Variants in RPH3A observed in about 807,000 individuals in gnomAD.
RPH3A encodes the protein rabphilin 3A.
RPH3A carries 48 observed loss-of-function variants against 102.2 expected under a neutral mutation model. The ratio of observed to expected loss-of-function variants is 0.47; its 90% CI spans 0.37 to 0.60. The LOEUF is 0.60. RPH3A is among the 20% of genes least tolerant of loss of function. The pLI is 0.00. For synonymous variants in RPH3A, 310 were observed against 324.3 expected (o/e 0.96, Z 0.47); for missense variants, 781 against 910.1 (o/e 0.86, Z 1.83).
intron 17 of RPH3A, among the ~76,000 whole-genome samples, chr12:112,888,155 AAACT>A (rs1471125096): frequency 6.6e-6 from 1 of 152,252 alleles, no homozygotes; most frequent in African/African-American, 2.4e-5. Flanking sequence ...CTTCTTGGCC[AAACT>A]GGATGGACAG....
chr12:112,816,592 C>T (rs1368695800), intron 2 of RPH3A, among the ~76,000 whole-genome samples: 10 of 152,320 alleles, frequency 6.6e-5, no homozygotes, highest in Non-Finnish European at 7.3e-5. Context: ...CATGTGGCCA[C>T]TCCCAGCTTC....
intron 2 of RPH3A, among the ~76,000 whole-genome samples, chr12:112,818,998 C>T (rs16942244): frequency 0.15 from 23,468 of 151,766 alleles, 2,340 homozygotes; most frequent in African/African-American, 0.28. Context: ...TCATTGGTTC[C>T]TCTCAACAAC....
chr12:112,709,319 G>T (rs1469759110), intron 1 of RPH3A, among the ~76,000 whole-genome samples: 1 of 152,170 alleles, frequency 6.6e-6, no homozygotes, highest in African/African-American at 2.4e-5. Context: ...AGAGGCCAAG[G>T]TGGGAGGATT....
At chr12:112,590,699 T>C (rs1315838989) in intron 1 of RPH3A, among the ~76,000 whole-genome samples, 1 of 152,270 alleles carries the variant, frequency 6.6e-6, no homozygotes, top group African/African-American at 2.4e-5. Context: ...TTAATTTCTA[T>C]GTTTAAAAAT....
rs2043183814 is a variant in RPH3A, at chr12:112,896,671, C to G, written c.1976C>G (p.Ser659Cys). Residue 659 changes from serine to cysteine, a missense_variant, in exon 22 of 22, where the codon TCT becomes TGT. Physicochemically the swap from Ser to Cys is moderately radical, Grantham distance 112. Around this residue, in one of 2 missense-constraint regions of RPH3A, gnomAD observed 51 missense variants for 100.1 expected, o/e 0.51. Transcript: ENST00000389385. ...CCAGGAGGCTGCCAGCTGGGGATCT[C>G]TGCCAAGGGAGAGCGCTTAAAACAC... ...DYIGGCQLGI[S>C]AKGERLKHWY... is the part of the protein sequence containing the mutation. 1 of 1,614,146 alleles carries G rather than the reference C, an allele frequency of 6.2e-7. No homozygotes were observed.
intron 1 of RPH3A, among the ~76,000 whole-genome samples, chr12:112,737,402 T>C (rs1051371337): frequency 2.0e-5 from 3 of 152,178 alleles, no homozygotes; most frequent in African/African-American, 7.2e-5. Flanking sequence ...TGAATTCATG[T>C]ATATAAAACA....
chr12:112,858,579 G>A (rs1316482657), intron 5 of RPH3A, among the ~76,000 whole-genome samples: 1 of 152,172 alleles, frequency 6.6e-6, no homozygotes, highest in Admixed American at 6.6e-5. Context: ...TCCTTCAGGG[G>A]ACTTATGATG....
chr12:112,648,065 A>G (rs2031733879), intron 1 of RPH3A, among the ~76,000 whole-genome samples: 2 of 152,204 alleles, frequency 1.3e-5, no homozygotes, highest in South Asian at 4.1e-4. Flanking sequence ...TATGTCTATA[A>G]TCATTGCAGA....
chr12:112,668,518 A>T (rs925604076), intron 1 of RPH3A, among the ~76,000 whole-genome samples: 3 of 152,190 alleles, frequency 2.0e-5, no homozygotes, highest in African/African-American at 4.8e-5. Flanking sequence ...AGGGACATGG[A>T]TGAAGCTGGA....
chr12:112,881,573 C>T (rs1265426891), intron 14 of RPH3A, among the ~76,000 whole-genome samples, 199 bp from the exon 15 acceptor site: 1 of 152,234 alleles, frequency 6.6e-6, no homozygotes, highest in East Asian at 1.9e-4. Flanking sequence ...CAGGAAGTGA[C>T]ATGGCCAGGT....
intron 1 of RPH3A, among the ~76,000 whole-genome samples, chr12:112,729,908 T>A (rs895164190): frequency 6.6e-6 from 1 of 152,184 alleles, no homozygotes; most frequent in Non-Finnish European, 1.5e-5. Context: ...GCGTTGCAGA[T>A]ATAATTCATT....
intron 1 of RPH3A, among the ~76,000 whole-genome samples, chr12:112,724,185 G>T (rs1393300822): frequency 1.3e-5 from 2 of 151,326 alleles, no homozygotes; most frequent in African/African-American, 4.9e-5. Flanking sequence ...GCCTCCTGAG[G>T]AGCTGGGACC....
chr12:112,787,490 C>T (rs966165228), upstream of RPH3A, among the ~76,000 whole-genome samples: 2 of 152,218 alleles, frequency 1.3e-5, no homozygotes, highest in African/African-American at 4.8e-5. Context: ...AATAGCACAA[C>T]ACAACCTCCT....
chr12:112,655,857 G>A (rs918028956), intron 1 of RPH3A, among the ~76,000 whole-genome samples: 1 of 152,092 alleles, frequency 6.6e-6, no homozygotes, highest in Admixed American at 6.5e-5. Context: ...ACAGGCATGA[G>A]CTACCACGCC....
chr12:112,832,316 A>G (rs1475062772), intron 3 of RPH3A, among the ~76,000 whole-genome samples: 2 of 152,190 alleles, frequency 1.3e-5, no homozygotes, highest in Non-Finnish European at 2.9e-5. Flanking sequence ...TCTAAAAATT[A>G]TTCATTCATT....
chr12:112,872,886 G>T (rs1226535285), intron 10 of RPH3A, among the ~76,000 whole-genome samples: 1 of 152,156 alleles, frequency 6.6e-6, no homozygotes, highest in African/African-American at 2.4e-5. Flanking sequence ...CCTTGAGTTG[G>T]GTTAGCTGCT....
chr12:112,761,868 C>T (rs977555977), intron 1 of RPH3A, among the ~76,000 whole-genome samples: 5 of 152,206 alleles, frequency 3.3e-5, no homozygotes, highest in Non-Finnish European at 7.3e-5. Context: ...TTACTTTTCT[C>T]ATTCCACCTA....
intron 1 of RPH3A, among the ~76,000 whole-genome samples, chr12:112,678,678 C>G (rs1056528212): frequency 6.6e-6 from 1 of 152,088 alleles, no homozygotes; most frequent in Non-Finnish European, 1.5e-5. Flanking sequence ...AGGGAAGAAA[C>G]CTGACGCAGG....
chr12:112,879,679 A>T (rs2042872838), intron 14 of RPH3A, among the ~76,000 whole-genome samples: 1 of 152,198 alleles, frequency 6.6e-6, no homozygotes, highest in Non-Finnish European at 1.5e-5. Context: ...GCCTCGCTGC[A>T]GGCCCTGGGG....
Sources: allele counts gnomAD v4.1 joint callset (sites outside exome capture counted in the v4.1 genomes callset), GRCh38; gene constraint gnomAD v4.1.1; regional missense constraint gnomAD v4.1.1; transcripts MANE v1.5; gene names NCBI Gene and HGNC (gene_info 2026-07-23, HGNC 2026-07-21).